PRKCA: variants seen among roughly 807,000 people sequenced by gnomAD.
PRKCA encodes protein kinase C alpha.
PRKCA carries 27 observed loss-of-function variants against 87.0 expected under a neutral mutation model. The ratio of observed to expected loss-of-function variants is 0.31; its 90% CI spans 0.23 to 0.43. PRKCA has a LOEUF of 0.43. PRKCA is among the 20% of genes least tolerant of loss of function. PRKCA has a pLI of 1.00. For missense variants in PRKCA, 518 were observed against 852.3 expected, an observed-to-expected ratio of 0.61 and a Z score of 4.88; for synonymous variants, 329 against 311.1, an observed-to-expected ratio of 1.06 and a Z score of -0.61.
intron 3 of PRKCA, among the ~76,000 whole-genome samples, chr17:66,535,972 C>G (rs1967765615): frequency 6.6e-6 from 1 of 152,224 alleles, no homozygotes; most frequent in African/African-American, 2.4e-5. Flanking sequence ...CTTTCCCCTC[C>G]TTATTCTCCT....
intron 3 of PRKCA, chr17:66,554,448 G>T: frequency 6.3e-6 from 4 of 637,650 alleles, no homozygotes; most frequent in Non-Finnish European, 7.8e-6. Flanking sequence ...TCCCATTGGG[G>T]CCTGTGTTTC....
intron 3 of PRKCA, among the ~76,000 whole-genome samples, chr17:66,561,076 T>TG (rs1320502871): frequency 6.6e-6 from 1 of 152,198 alleles, no homozygotes; most frequent in Non-Finnish European, 1.5e-5. Context: ...GGTGGGCCTG[T>TG]GGAGAACCAG....
chr17:66,749,613 A>G (rs781431556), intron 13 of PRKCA, among the ~76,000 whole-genome samples: 4 of 152,190 alleles, frequency 2.6e-5, no homozygotes, highest in Non-Finnish European at 5.9e-5. Context: ...CCACGGGCAG[A>G]ATTTCATCTG....
chr17:66,326,006 C>T (rs771567361), intron 2 of PRKCA, among the ~76,000 whole-genome samples: 1 of 152,184 alleles, frequency 6.6e-6, no homozygotes, highest in East Asian at 1.9e-4. Context: ...TAGCAGGTAC[C>T]GTACTAGTTA....
intron 13 of PRKCA, among the ~76,000 whole-genome samples, chr17:66,764,091 T>G (rs1203618772): frequency 6.6e-6 from 1 of 152,198 alleles, no homozygotes. Context: ...GCGTTGCTGC[T>G]TGCAAGCTCT....
chr17:66,498,370 CTCTCTTCTCT>C (rs1298174341), intron 3 of PRKCA, among the ~76,000 whole-genome samples: 1 of 152,036 alleles, frequency 6.6e-6, no homozygotes, highest in Non-Finnish European at 1.5e-5. Flanking sequence ...TTTTTCTTTC[CTCTCTTCTCT>C]TCTCTCTCCT....
At chr17:66,447,673 C>T (rs1914104946) in intron 2 of PRKCA, among the ~76,000 whole-genome samples, 1 of 152,216 alleles carries the variant, frequency 6.6e-6, no homozygotes, top group South Asian at 2.1e-4. Context: ...CATCTCTAAG[C>T]TCCTTTGAGC....
intron 3 of PRKCA, among the ~76,000 whole-genome samples, chr17:66,545,594 C>T (rs4791049): frequency 0.07 from 10,622 of 151,892 alleles, 443 homozygotes; most frequent in South Asian, 0.16. Context: ...GCTAAAATAT[C>T]GGGAGAATTA....
chr17:66,402,362 T>TC (rs1314948213), intron 2 of PRKCA, among the ~76,000 whole-genome samples: 6 of 151,168 alleles, frequency 4.0e-5, no homozygotes, highest in Admixed American at 4.0e-4. Context: ...TATGGAGTAC[T>TC]CCTTCAGGAA....
chr17:66,519,143 T>C (rs8079527), intron 3 of PRKCA, among the ~76,000 whole-genome samples: 1 of 151,942 alleles, frequency 6.6e-6, no homozygotes, highest in African/African-American at 2.4e-5. Context: ...TTTGGGGCCG[T>C]CCGTTGTTAG....
chr17:66,737,320 G>A (rs775865153), intron 10 of PRKCA, among the ~76,000 whole-genome samples: 4 of 152,190 alleles, frequency 2.6e-5, no homozygotes, highest in East Asian at 3.9e-4. Context: ...CCGAGATGGC[G>A]CCACTGCACT....
chr17:66,714,248 C>T (rs1160327068), intron 8 of PRKCA, among the ~76,000 whole-genome samples: 1 of 151,882 alleles, frequency 6.6e-6, no homozygotes, highest in Non-Finnish European at 1.5e-5. Context: ...GGGGAGAATG[C>T]CCCCTTGTGA....
At chr17:66,672,383 A>C (rs34618551) in intron 5 of PRKCA, among the ~76,000 whole-genome samples, 1,801 of 152,312 alleles carry the variant, frequency 0.012, 24 homozygotes, top group South Asian at 0.024. Context: ...AGAAAGTCAA[A>C]ATTACAGTGT....
At chr17:66,789,156 G>A (rs879028592) in intron 16 of PRKCA, among the ~76,000 whole-genome samples, 177 bp downstream of exon 16, 1 of 152,248 alleles carries the variant, frequency 6.6e-6, no homozygotes, top group Non-Finnish European at 1.5e-5. Context: ...CGGGATTCCT[G>A]CTGCCTTCAG....
chr17:66,369,631 G>A (rs1339468287), intron 2 of PRKCA, among the ~76,000 whole-genome samples: 1 of 152,126 alleles, frequency 6.6e-6, no homozygotes, highest in Non-Finnish European at 1.5e-5. Flanking sequence ...AAAACCTGTG[G>A]CATTGCTGAG....
At chr17:66,312,466 A>G (rs1217372418) in intron 2 of PRKCA, among the ~76,000 whole-genome samples, 1 of 152,172 alleles carries the variant, frequency 6.6e-6, no homozygotes, top group Admixed American at 6.5e-5. Context: ...CTGCCCTATC[A>G]GGATAAGTCC....
chr17:66,497,930 T>C (rs1161176870), intron 3 of PRKCA, among the ~76,000 whole-genome samples: 4 of 152,260 alleles, frequency 2.6e-5, no homozygotes, highest in East Asian at 1.9e-4. Context: ...GGAGGCAAGA[T>C]AGAGTGCCTG....
chr17:66,369,292 T>C (rs1172522379), intron 2 of PRKCA, among the ~76,000 whole-genome samples: 1 of 152,146 alleles, frequency 6.6e-6, no homozygotes, highest in African/African-American at 2.4e-5. Context: ...GTCCAAGATA[T>C]CCCAGTACTT....
intron 8 of PRKCA, among the ~76,000 whole-genome samples, chr17:66,691,773 C>T (rs897702539): frequency 3.3e-5 from 5 of 152,168 alleles, no homozygotes; most frequent in Admixed American, 2.0e-4. Flanking sequence ...GGGCTGTTGA[C>T]GCAGAAAGAG....
Sources: allele counts gnomAD v4.1 joint callset (sites outside exome capture counted in the v4.1 genomes callset), GRCh38; gene constraint gnomAD v4.1.1; transcripts MANE v1.5; gene names NCBI Gene and HGNC (gene_info 2026-07-23, HGNC 2026-07-21).